The following SMIM20 variants were observed in gnomAD, a reference collection of about 807,000 sequenced individuals.
SMIM20 encodes small integral membrane protein 20.
Under a neutral mutation model 8.7 loss-of-function variants are expected in SMIM20, and 3 were observed. The ratio of observed to expected loss-of-function variants is 0.34; its 90% CI spans 0.16 to 0.89. SMIM20 has a LOEUF of 0.89. SMIM20 is among the 40% of genes least tolerant of loss of function. The pLI is 0.49. For missense variants in SMIM20, 85 were observed against 84.8 expected, an observed-to-expected ratio of 1.00 and a Z score of -0.01; for synonymous variants, 44 against 33.6, an observed-to-expected ratio of 1.31 and a Z score of -1.07.
Position 25,914,269 on chromosome 4 carries a change from A to C in SMIM20, c.-45A>C, listed in dbSNP as rs1315727243. ...GGCCGTCGGTAACCTGGTTTCCGAGAGTGCCGGGCGGTCGGCGGGTCAGGG... is the reference window on the plus strand; with the variant it reads ...GGCCGTCGGTAACCTGGTTTCCGAGCGTGCCGGGCGGTCGGCGGGTCAGGG... On this transcript the variant is annotated 5_prime_UTR_variant, in exon 1 of 3. Transcript: ENST00000506197. The C allele has an allele frequency of 6.6e-7, 1 of 1,526,328 alleles. No homozygotes were observed. Among genetic ancestry groups the C allele is most frequent in the Admixed American group, 2.1e-5 (1 of 47,114 alleles). The allele number at this position is 1,526,328 out of a possible 1,614,324, so 94.5% of individuals were successfully genotyped here.
At chr4:25,921,355 C>T (rs554944994) in intron 1 of SMIM20, among the ~76,000 whole-genome samples, 20 of 152,018 alleles carry the variant, frequency 1.3e-4, no homozygotes, top group African/African-American at 3.1e-4. Context: ...CAACATGGCG[C>T]GACCCTGTCT....
intron 1 of SMIM20, among the ~76,000 whole-genome samples, chr4:25,922,789 A>AGT (rs1354629082): frequency 1.3e-5 from 2 of 152,182 alleles, no homozygotes; most frequent in Non-Finnish European, 2.9e-5. Context: ...TGTAGAGCCA[A>AGT]GTGTCAGATC....
intron 2 of SMIM20, 101 bp downstream of exon 2, chr4:25,928,470 T>C: frequency 8.6e-7 from 1 of 1,158,892 alleles, no homozygotes; most frequent in Admixed American, 2.9e-5. Flanking sequence ...GAAAATGCCT[T>C]TTAGCTTAGA....
At chr4:25,918,889 CTTTT>C (rs775952783) in intron 1 of SMIM20, among the ~76,000 whole-genome samples, 9 of 91,692 alleles carry the variant, frequency 9.8e-5, no homozygotes, top group South Asian at 4.1e-4. Flanking sequence ...ATGTGAATAT[CTTTT>C]TTTTTTTTTT....
At chr4:25,928,645 G>A (rs561359477) in intron 2 of SMIM20, among the ~76,000 whole-genome samples, 2 of 152,180 alleles carry the variant, frequency 1.3e-5, no homozygotes, top group Non-Finnish European at 2.9e-5. Context: ...TGCGTGATTC[G>A]ATATGAGACG....
intron 1 of SMIM20, among the ~76,000 whole-genome samples, chr4:25,915,618 G>T (rs1719069600): frequency 1.3e-5 from 2 of 152,162 alleles, no homozygotes; most frequent in Non-Finnish European, 1.5e-5. Flanking sequence ...CCATGCGTGG[G>T]AGTAAGGTGG....
rs988327127 is a variant in SMIM20 at position 25,914,229 on chromosome 4, G to A, written c.-85G>A. On this transcript the variant is annotated 5_prime_UTR_variant, in exon 1 of 3. Coordinates refer to ENST00000506197, the MANE Select transcript of SMIM20 (RefSeq NM_001145432.3). The stretch of plus-strand genomic sequence containing the variant: ...GCGAAAGCCTCTCCACCTCTTCCGA[G>A]CGGGGTCACGGCCCGGCCGTCGGTA... 8.7e-6 allele frequency: 13 copies of A among 1,501,296 alleles called. No individual in the cohort carries two copies. The highest frequency in any genetic ancestry group is 1.4e-5 in the African/African-American group (1 of 71,358). 93.0% of individuals were successfully genotyped at this position (1,501,296 alleles called of 1,614,324 possible).
intron 2 of SMIM20, 87 bp downstream of exon 2, chr4:25,928,456 G>A (rs1439162275): frequency 7.7e-7 from 1 of 1,299,776 alleles, no homozygotes; most frequent in Admixed American, 2.7e-5. Flanking sequence ...GGCGTGGAGA[G>A]TGGGAAAATG....
At chr4:25,914,533 G>A (rs926281503) in intron 1 of SMIM20, 111 bp downstream of exon 1, 1 of 1,125,696 alleles carries the variant, frequency 8.9e-7, no homozygotes. Context: ...GTTAGGGAGA[G>A]CCGGGTTCGA....
intron 1 of SMIM20, 131 bp downstream of exon 1, chr4:25,914,553 T>C (rs2109360980): frequency 1.2e-6 from 1 of 835,044 alleles, no homozygotes; most frequent in African/African-American, 1.8e-5. Flanking sequence ...AATCCTGCCA[T>C]GTGCAGCTTT....
chr4:25,926,534 A>G (rs962043952), intron 1 of SMIM20, among the ~76,000 whole-genome samples: 2 of 152,268 alleles, frequency 1.3e-5, no homozygotes, highest in African/African-American at 4.8e-5. Context: ...CTTCAGCCTC[A>G]TTAGCAATTA....
chr4:25,919,718 G>A (rs1052630054), intron 1 of SMIM20, among the ~76,000 whole-genome samples: 6 of 151,580 alleles, frequency 4.0e-5, no homozygotes, highest in African/African-American at 1.2e-4. Context: ...TTCTCTTCCC[G>A]CTACTAGTTT....
Position 25,914,361 on chromosome 4 carries a change from C to G in SMIM20, c.48C>G (p.Ser16=). 1 of 1,549,926 alleles carries G rather than the reference C, an allele frequency of 6.5e-7. No individual in the cohort carries two copies. The highest frequency in any genetic ancestry group is 8.7e-7 in the Non-Finnish European group (1 of 1,145,866). ...RTALIFGGFI[S]LIGAAFYPIY... is the part of the protein sequence containing the mutation. ...CGCTCATTTTCGGCGGCTTCATCTCCCTGATCGGCGCCGCCTTCTATCCCA... is the reference window on the plus strand; with the variant it reads ...CGCTCATTTTCGGCGGCTTCATCTCGCTGATCGGCGCCGCCTTCTATCCCA... Residue 16 remains serine (S), a synonymous_variant, in exon 1 of 3, where the codon TCC becomes TCG. Transcript: ENST00000506197.
intron 1 of SMIM20, among the ~76,000 whole-genome samples, chr4:25,925,932 A>G (rs972550781): frequency 2.6e-5 from 4 of 152,226 alleles, no homozygotes; most frequent in African/African-American, 7.2e-5. Flanking sequence ...GTCCTCAATT[A>G]AAACTACAAA....
intron 2 of SMIM20, 102 bp from the exon 3 acceptor site, chr4:25,929,052 T>C: frequency 2.9e-6 from 4 of 1,395,146 alleles, no homozygotes; most frequent in South Asian, 2.6e-5. Flanking sequence ...ACACTGTAAA[T>C]TGCACAGCTC....
chr4:25,927,428 A>G (rs1188819141), intron 1 of SMIM20, among the ~76,000 whole-genome samples: 1 of 152,232 alleles, frequency 6.6e-6, no homozygotes, highest in Non-Finnish European at 1.5e-5. Context: ...GCCAAAGTAA[A>G]GAAAATGGCC....
intron 1 of SMIM20, among the ~76,000 whole-genome samples, chr4:25,921,758 G>GC (rs1357615269): frequency 6.6e-6 from 1 of 152,168 alleles, no homozygotes; most frequent in Non-Finnish European, 1.5e-5. Flanking sequence ...GGGCAAGCTG[G>GC]CCCGGGGCAG....
chr4:25,926,592 C>T (rs1353581068), intron 1 of SMIM20, among the ~76,000 whole-genome samples: 2 of 152,194 alleles, frequency 1.3e-5, no homozygotes, highest in South Asian at 2.1e-4. Flanking sequence ...TTTGGTTCTC[C>T]GTTGCATCAT....
intron 1 of SMIM20, among the ~76,000 whole-genome samples, chr4:25,918,103 C>T (rs182340021): frequency 1.2e-4 from 18 of 151,744 alleles, no homozygotes; most frequent in Admixed American, 7.9e-4. Flanking sequence ...CCACCACGCC[C>T]GGCTAATTTT....
Sources: allele counts gnomAD v4.1 joint callset (sites outside exome capture counted in the v4.1 genomes callset), GRCh38; gene constraint gnomAD v4.1.1; transcripts MANE v1.5; gene names NCBI Gene and HGNC (gene_info 2026-07-23, HGNC 2026-07-21).